MLKL: variants seen among roughly 807,000 people sequenced by gnomAD.
MLKL encodes the protein mixed lineage kinase domain-like protein.
Under a neutral mutation model 56.5 loss-of-function variants are expected in MLKL, and 55 were observed. The ratio of observed to expected loss-of-function variants is 0.97; its 90% CI spans 0.78 to 1.22. The LOEUF is 1.22. MLKL is among the 50% of genes most tolerant of loss of function. The pLI, the probability that MLKL is intolerant of heterozygous loss-of-function variation, is 0.00. For synonymous variants in MLKL, 251 were observed against 208.3 expected, an observed-to-expected ratio of 1.20 and a Z score of -1.76; for missense variants, 694 against 573.9, an observed-to-expected ratio of 1.21 and a Z score of -2.14.
intron 7 of MLKL, chr16:74,676,195 G>A (rs1046171056): frequency 1.0e-6 from 1 of 974,890 alleles, no homozygotes; most frequent in African/African-American, 1.8e-5. Context: ...TGGAAAAATG[G>A]CATGGGGGCA....
intron 5 of MLKL, among the ~76,000 whole-genome samples, chr16:74,684,583 C>G (rs1422016870): frequency 6.6e-6 from 1 of 151,364 alleles, no homozygotes; most frequent in Non-Finnish European, 1.5e-5. Flanking sequence ...CAAACTCCGC[C>G]TCCCAGGTTC....
intron 5 of MLKL, among the ~76,000 whole-genome samples, chr16:74,683,249 C>A (rs967988929): frequency 2.5e-4 from 37 of 149,382 alleles, no homozygotes; most frequent in African/African-American, 8.7e-4. Flanking sequence ...GCAGAGATTG[C>A]ACCACTGCAC....
rs537285898 is a variant in MLKL at position 74,692,812 on chromosome 16, GAGA to G, written c.461-399_461-397del. Among the ~76,000 whole-genome samples the G allele has an allele frequency of 3.9e-5, 6 of 152,360 alleles. No individual in the cohort carries two copies. The South Asian group carries it at 1.2e-3, about 32-fold the overall frequency. ...AGAGTCCCCTGGACTTTGCCTGAAT[GAGA>G]AATAAACTTGTTTCTTTAGAACACT... On this transcript the variant is annotated intron_variant, in intron 2 of 10. Coordinates refer to ENST00000308807, the MANE Select transcript of MLKL (RefSeq NM_152649.4).
At chr16:74,689,629 G>A (rs1249069919) in intron 4 of MLKL, among the ~76,000 whole-genome samples, 6 of 152,040 alleles carry the variant, frequency 3.9e-5, no homozygotes, top group Non-Finnish European at 8.8e-5. Context: ...ACCAGATATC[G>A]AAATTTACTG....
chr16:74,675,831 T>G, intron 7 of MLKL, 67 bp from the exon 8 acceptor site: 1 of 1,522,154 alleles, frequency 6.6e-7, no homozygotes, highest in South Asian at 1.2e-5. Context: ...GGGCAGGGAT[T>G]GTTGCTACAC....
At chr16:74,696,776 GGTGAAACCCC>G (rs1243701576) in intron 1 of MLKL, among the ~76,000 whole-genome samples, 1 of 151,312 alleles carries the variant, frequency 6.6e-6, no homozygotes, top group East Asian at 1.9e-4. Flanking sequence ...TGGCCAACAT[GGTGAAACCCC>G]GTCTCTACTA....
chr16:74,676,303 G>T, intron 7 of MLKL: 1 of 986,048 alleles, frequency 1.0e-6, no homozygotes, highest in Non-Finnish European at 1.2e-6. Flanking sequence ...GCGGTCACCT[G>T]GTGTTCTTAA....
At position 74,693,424 on chromosome 16, in the gene MLKL, T is replaced by C. The variant is rs147655928; in HGVS notation, c.461-1008A>G. Among the ~76,000 whole-genome samples the C allele has an allele frequency of 5.1e-3, 666 of 131,240 alleles. 1 individual carries two copies. The highest frequency in any genetic ancestry group is 0.018 in the African/African-American group (622 of 33,724). 86.1% of individuals were successfully genotyped at this position (131,240 alleles called of 152,430 possible). A position where few individuals can be genotyped will look rare whatever the true frequency, so the allele number is the denominator to read the frequency against. ...CAGAGGTTGCAGTGAGCCAAGATCG[T>C]GTCACTGCACTCCAGCAAGACTCTG... On this transcript the variant is annotated intron_variant, in intron 2 of 10. Transcript: ENST00000308807.
intron 5 of MLKL, among the ~76,000 whole-genome samples, chr16:74,684,597 C>G (rs1048461623): frequency 1.3e-5 from 2 of 151,644 alleles, no homozygotes; most frequent in African/African-American, 4.8e-5. Flanking sequence ...CAGGTTCAAG[C>G]AATTCTCCTG....
At chr16:74,681,920 T>C (rs1233145663) in intron 6 of MLKL, among the ~76,000 whole-genome samples, 1 of 152,098 alleles carries the variant, frequency 6.6e-6, no homozygotes, top group Non-Finnish European at 1.5e-5. Context: ...ACAAATTGTA[T>C]AGGACATAGT....
intron 6 of MLKL, 56 bp from the exon 7 acceptor site, chr16:74,679,036 G>A (rs1470378401): frequency 1.4e-6 from 2 of 1,403,496 alleles, no homozygotes; most frequent in African/African-American, 2.8e-5. Flanking sequence ...TTCTTTGGGG[G>A]ACTGACAATC....
chr16:74,677,530 T>G (rs2144459255), intron 7 of MLKL: 1 of 152,318 alleles, frequency 6.6e-6, no homozygotes, highest in Middle Eastern at 3.4e-3. Flanking sequence ...GATTTTTAAA[T>G]TTTTTGAAGA....
rs375793635 is a variant in MLKL at position 74,675,113 on chromosome 16, G to C, written c.1241-13C>G. 6.2e-7 allele frequency: 1 copy of C among 1,613,226 alleles called. No homozygotes were observed. The highest frequency in any genetic ancestry group is 1.7e-5 in the Admixed American group (1 of 59,864). On this transcript the variant is annotated splice_polypyrimidine_tract_variant and intron_variant, in intron 9 of 10. Coordinates refer to ENST00000308807, the MANE Select transcript of MLKL (RefSeq NM_152649.4). ...TCAGAATTACAGCCTGGAAATGATA[G>C]CATGAGAGCCTCAAAAAATTGCTCC...
chr16:74,684,738 C>T (rs1960224850), intron 5 of MLKL, among the ~76,000 whole-genome samples: 1 of 152,138 alleles, frequency 6.6e-6, no homozygotes, highest in Non-Finnish European at 1.5e-5. Context: ...TTGTGATCCA[C>T]CCACCTCAGC....
At position 74,695,752 on chromosome 16, in the gene MLKL, T is replaced by G. The variant is rs776122195; in HGVS notation, c.6A>C (p.Glu2Asp). Reference protein sequence around the residue: MENLKHIITLGQ... With the variant: MDNLKHIITLGQ... ...CAAGGGTGATAATATGCTTCAAATT[T>G]TCCATGCCTGGAAGAAATGAATGGA... Residue 2 changes from glutamate to aspartate, a missense_variant, in exon 2 of 11, where the codon GAA (glutamate) becomes GAC (aspartate). Physicochemically the swap from Glu to Asp is conservative, Grantham distance 45. Transcript: ENST00000308807. 6.3e-7 allele frequency: 1 copy of G among 1,583,790 alleles called. No homozygotes were observed. Among genetic ancestry groups the G allele is most frequent in the Non-Finnish European group, 8.6e-7 (1 of 1,164,114 alleles).
At chr16:74,677,596 A>T (rs893992590) in intron 7 of MLKL, 5 of 151,762 alleles carry the variant, frequency 3.3e-5, no homozygotes, top group Admixed American at 3.3e-4. Flanking sequence ...GCTCAAAGTG[A>T]TCCTCCTGCC....
At chr16:74,685,340 G>GA (rs368116709) in intron 5 of MLKL, 146 bp downstream of exon 5, 17,098 of 482,728 alleles carry the variant, frequency 0.035, no homozygotes, top group South Asian at 0.044. Context: ...ATCTTGGGAT[G>GA]AAAAAAAAAA....
intron 1 of MLKL, among the ~76,000 whole-genome samples, chr16:74,697,665 C>G (rs1166264026): frequency 6.6e-6 from 1 of 151,986 alleles, no homozygotes; most frequent in Admixed American, 6.6e-5. Context: ...AGACCCATCT[C>G]TACTAAAAAT....
intron 6 of MLKL, among the ~76,000 whole-genome samples, chr16:74,679,605 T>G (rs1959813210): frequency 6.6e-6 from 1 of 152,146 alleles, no homozygotes; most frequent in African/African-American, 2.4e-5. Flanking sequence ...GTCAGGAGTT[T>G]GAGACCAGCT....
Sources: gnomAD v4.1 joint callset for allele counts (sites outside exome capture counted in the v4.1 genomes callset) on GRCh38, gnomAD v4.1.1 for gene constraint, MANE v1.5 for transcripts, NCBI Gene and HGNC (gene_info 2026-07-23, HGNC 2026-07-21) for gene names.